The following SPEF2 variants were observed in gnomAD, a reference collection of about 807,000 sequenced individuals.
SPEF2 encodes the protein sperm flagellar and cilia associated 2, also known as sperm flagella and cilia-associated protein 2.
SPEF2 carries 187 observed loss-of-function variants against 224.6 expected under a neutral mutation model. The ratio of observed to expected loss-of-function variants is 0.83; its 90% CI spans 0.74 to 0.94. The LOEUF is 0.94. Among genes scored for constraint, SPEF2 ranks in the 40% least tolerant of loss-of-function variants. The probability of loss-of-function intolerance (pLI) is 0.00; values close to 1 mark genes in which losing one functional copy is unlikely to be tolerated. For synonymous variants in SPEF2, 715 were observed against 707.3 expected, an observed-to-expected ratio of 1.01 and a Z score of -0.17; for missense variants, 2,170 against 2,135.6, an observed-to-expected ratio of 1.02 and a Z score of -0.32.
intron 21 of SPEF2, among the ~76,000 whole-genome samples, chr5:35,729,776 T>A (rs141464176): frequency 6.6e-6 from 1 of 152,132 alleles, no homozygotes; most frequent in African/African-American, 2.4e-5. Context: ...GGGGCCAGTC[T>A]TTACCATGCT....
intron 18 of SPEF2, among the ~76,000 whole-genome samples, chr5:35,708,578 C>CCATCACCATAACTATCACCACCAA (rs1740320787): frequency 7.1e-6 from 1 of 140,256 alleles, no homozygotes. Context: ...CACACCACCA[C>CCATCACCATAACTATCACCACCAA]CATCACTACC....
chr5:35,741,279 G>A (rs1747592450), intron 23 of SPEF2, among the ~76,000 whole-genome samples: 1 of 152,350 alleles, frequency 6.6e-6, no homozygotes, highest in Non-Finnish European at 1.5e-5. Context: ...AACAGTGGCT[G>A]TGGAAAATCT....
At chr5:35,763,415 A>T (rs1395149928) in intron 25 of SPEF2, 107 bp from the exon 26 acceptor site, 2 of 1,033,866 alleles carry the variant, frequency 1.9e-6, no homozygotes, top group African/African-American at 1.6e-5. Context: ...AAACTTTGAA[A>T]ATTGAGATTA....
chr5:35,800,704 T>G (rs1371638941), intron 34 of SPEF2, among the ~76,000 whole-genome samples: 1 of 152,216 alleles, frequency 6.6e-6, no homozygotes, highest in Non-Finnish European at 1.5e-5. Context: ...GATGGGATAG[T>G]CTCCAACAGG....
chr5:35,788,690 A>G (rs1755527558), intron 30 of SPEF2: 1 of 702,918 alleles, frequency 1.4e-6, no homozygotes, highest in South Asian at 1.5e-5. Flanking sequence ...TGGTACCCAT[A>G]GCATAGAGGG....
chr5:35,794,401 T>G (rs1180493330), intron 32 of SPEF2, among the ~76,000 whole-genome samples: 1 of 152,168 alleles, frequency 6.6e-6, no homozygotes, highest in African/African-American at 2.4e-5. Context: ...CCTCTTTTTT[T>G]TTGAGAGAGC....
chr5:35,704,171 T>G (rs916693149), intron 16 of SPEF2, among the ~76,000 whole-genome samples: 2 of 152,164 alleles, frequency 1.3e-5, no homozygotes, highest in African/African-American at 4.8e-5. Flanking sequence ...AGAAATAATT[T>G]GTATGCATAT....
In SPEF2 at chr5:35,670,057, A is replaced by G; in HGVS notation, c.1356-2A>G. 6.3e-7 allele frequency: 1 copy of G among 1,585,348 alleles called. No individual in the cohort carries two copies. The highest frequency in any genetic ancestry group is 8.5e-7 in the Non-Finnish European group (1 of 1,170,476). On this transcript the variant is annotated splice_acceptor_variant, in intron 9 of 36. Coordinates refer to ENST00000356031, the MANE Select transcript of SPEF2 (RefSeq NM_024867.4). LOFTEE classifies it high-confidence loss of function. ...CATCTCTACCTTTTTTTTGTGCGAT[A>G]GTCTGATTCCGTATAAGTTGATGCA...
rs1011071591 is a variant in SPEF2, at chr5:35,812,821, C to A, written c.5380-1643C>A. ...GATAACATACCTATAATTATAAGTG[C>A]GAACTGAAGGAGACTTTCATCCCTC... is the stretch of plus-strand genomic sequence containing the variant. On this transcript the variant is annotated intron_variant, in intron 36 of 36. Coordinates refer to ENST00000356031, the MANE Select transcript of SPEF2 (RefSeq NM_024867.4). Among the ~76,000 whole-genome samples, 3 of 152,156 alleles carry A rather than the reference C, an allele frequency of 2.0e-5. No homozygotes were observed. The South Asian group carries it at 6.2e-4, about 31-fold the overall frequency.
intron 30 of SPEF2, among the ~76,000 whole-genome samples, chr5:35,785,310 GT>G (rs1296163448): frequency 6.6e-6 from 1 of 152,114 alleles, no homozygotes; most frequent in Non-Finnish European, 1.5e-5. Flanking sequence ...TGTTAAAACT[GT>G]TTATGAGTAG....
intron 1 of SPEF2, among the ~76,000 whole-genome samples, chr5:35,623,079 A>G (rs1200001079): frequency 6.6e-6 from 1 of 152,222 alleles, no homozygotes; most frequent in Admixed American, 6.5e-5. Context: ...AAGGGAGAAC[A>G]TGAACCATGA....
chr5:35,757,006 T>TTC (rs1750541835), intron 24 of SPEF2, among the ~76,000 whole-genome samples: 1 of 144,598 alleles, frequency 6.9e-6, no homozygotes, highest in South Asian at 2.1e-4. Context: ...TTTTCTAAAA[T>TTC]TCTTTTTAAA....
intron 30 of SPEF2, among the ~76,000 whole-genome samples, chr5:35,787,630 C>T (rs1473075907): frequency 6.6e-6 from 1 of 152,156 alleles, no homozygotes; most frequent in Non-Finnish European, 1.5e-5. Context: ...CTTTCTTATC[C>T]ATGCAACGGT....
intron 10 of SPEF2, among the ~76,000 whole-genome samples, chr5:35,674,337 C>CTTTTTTTTTTTTTTTT (rs35129181): frequency 2.1e-5 from 2 of 94,448 alleles, no homozygotes; most frequent in Admixed American, 1.1e-4. Flanking sequence ...TTTTCGTCTT[C>CTTTTTTTTTTTTTTTT]TTTTTTTTTT....
rs746574730 is a variant in SPEF2, at chr5:35,740,000, C to A, written c.3145C>A (p.Leu1049Met). 1 of 1,614,104 alleles carries A rather than the reference C, an allele frequency of 6.2e-7. No homozygotes were observed. The highest frequency in any genetic ancestry group is 1.1e-5 in the South Asian group (1 of 91,072). ...INTIKTVLRH[L>M]REDQHTVLAY... ...CACCATCAAAACAGTACTCAGGCAT[C>A]TGAGGGAAGACCAGCATACTGTGCT... Residue 1049 changes from leucine (L) to methionine (M), a missense_variant, in exon 22 of 37, where the codon CTG (leucine) becomes ATG (methionine). Transcript: ENST00000356031.
chr5:35,725,202 A>G (rs1269527143), intron 20 of SPEF2, among the ~76,000 whole-genome samples: 1 of 152,084 alleles, frequency 6.6e-6, no homozygotes, highest in Non-Finnish European at 1.5e-5. Context: ...TATTTAAGAC[A>G]CTCTAAATCT....
intron 23 of SPEF2, among the ~76,000 whole-genome samples, chr5:35,749,363 C>T (rs1392175472): frequency 1.3e-5 from 2 of 152,018 alleles, no homozygotes; most frequent in Non-Finnish European, 2.9e-5. Flanking sequence ...AGCAATCAGA[C>T]TAGAGAAAGA....
intron 29 of SPEF2, among the ~76,000 whole-genome samples, chr5:35,777,823 T>C (rs1354327329): frequency 6.6e-6 from 1 of 152,144 alleles, no homozygotes. Flanking sequence ...CGCGCATCTG[T>C]TTTAGTATCC....
chr5:35,686,549 T>A (rs182069615), intron 10 of SPEF2, among the ~76,000 whole-genome samples: 15 of 152,242 alleles, frequency 9.9e-5, no homozygotes, highest in Admixed American at 6.5e-4. Flanking sequence ...TTACTTTTAT[T>A]GTTATGACAG....
Sources: allele counts gnomAD v4.1 joint callset (sites outside exome capture counted in the v4.1 genomes callset), GRCh38; gene constraint gnomAD v4.1.1; transcripts MANE v1.5; gene names NCBI Gene and HGNC (gene_info 2026-07-23, HGNC 2026-07-21).